Variants in RHOQ observed in about 807,000 individuals in gnomAD.
RHOQ encodes ras homolog family member Q, also known as rho-related GTP-binding protein RhoQ.
RHOQ carries 7 observed loss-of-function variants against 25.8 expected under a neutral mutation model. The observed-to-expected ratio is 0.27, with a 90% CI of 0.15 to 0.51. RHOQ has a LOEUF of 0.51. Among genes scored for constraint, RHOQ ranks in the 20% least tolerant of loss-of-function variants. RHOQ has a pLI of 0.97. For missense variants in RHOQ, 165 were observed against 260.6 expected (o/e 0.63, Z 2.53); for synonymous variants, 97 against 98.6 (o/e 0.98, Z 0.10).
chr2:46,562,824 C>T (rs1558687508), intron 2 of RHOQ, among the ~76,000 whole-genome samples: 1 of 152,178 alleles, frequency 6.6e-6, no homozygotes, highest in Admixed American at 6.5e-5. Flanking sequence ...AACCTACACA[C>T]TTATTTAAAC....
chr2:46,561,259 G>A (rs906294733), intron 2 of RHOQ, among the ~76,000 whole-genome samples: 2 of 151,688 alleles, frequency 1.3e-5, no homozygotes, highest in Non-Finnish European at 2.9e-5. Context: ...GGAAGAGTAC[G>A]GTGAGGGGAG....
chr2:46,550,279 G>C (rs543821292), intron 2 of RHOQ, among the ~76,000 whole-genome samples: 183 of 151,952 alleles, frequency 1.2e-3, no homozygotes, highest in Admixed American at 4.2e-3. Flanking sequence ...TTGACTGTCA[G>C]CTTGTTTCTG....
At chr2:46,558,636 C>T (rs1572742652) in intron 2 of RHOQ, among the ~76,000 whole-genome samples, 1 of 152,208 alleles carries the variant, frequency 6.6e-6, no homozygotes, top group Middle Eastern at 3.4e-3. Flanking sequence ...TGGCTGGGTA[C>T]CCACAATCTG....
chr2:46,543,228 GC>G (rs776279452), intron 1 of RHOQ, 40 bp downstream of exon 1: 1 of 1,608,374 alleles, frequency 6.2e-7, no homozygotes, highest in South Asian at 1.1e-5. Flanking sequence ...CGCTCCCCGG[GC>G]CGGGAACTTT....
At chr2:46,575,964 T>C in intron 2 of RHOQ, 123 bp from the exon 3 acceptor site, 1 of 660,506 alleles carries the variant, frequency 1.5e-6, no homozygotes, top group African/African-American at 1.9e-5. Flanking sequence ...TTACTTAGAG[T>C]GCCATACATT....
intron 2 of RHOQ, among the ~76,000 whole-genome samples, chr2:46,562,901 T>G (rs1668618377): frequency 6.6e-6 from 1 of 152,208 alleles, no homozygotes; most frequent in South Asian, 2.1e-4. Context: ...TTCTGCCTAT[T>G]TATTACTCTG....
At chr2:46,561,171 G>C (rs2104002639) in intron 2 of RHOQ, among the ~76,000 whole-genome samples, 1 of 151,854 alleles carries the variant, frequency 6.6e-6, no homozygotes, top group African/African-American at 2.4e-5. Context: ...ATATATATGT[G>C]TGTGTATATA....
chr2:46,564,528 C>T (rs1314435209), intron 2 of RHOQ, among the ~76,000 whole-genome samples: 1 of 152,182 alleles, frequency 6.6e-6, no homozygotes, highest in Non-Finnish European at 1.5e-5. Flanking sequence ...TGGCAGATTG[C>T]ACTGTATGCG....
rs200699252 is a variant in RHOQ at position 46,560,160 on chromosome 2, TCTG to T, written c.202-15923_202-15921del. ...CCATAGCTTCAGACCCTCAGGGAGG[TCTG>T]CTGTGCAGTCCGGTGTTTAACTGGC... is the stretch of plus-strand genomic sequence containing the variant. On this transcript the variant is annotated intron_variant, in intron 2 of 4. Transcript: ENST00000238738. Among the ~76,000 whole-genome samples, 1,328 of 152,216 alleles carry T rather than the reference TCTG, an allele frequency of 8.7e-3. 18 individuals carry two copies. The highest frequency in any genetic ancestry group is 0.031 in the African/African-American group (1,268 of 41,532).
At chr2:46,575,066 A>T (rs1669066206) in intron 2 of RHOQ, among the ~76,000 whole-genome samples, 2 of 152,224 alleles carry the variant, frequency 1.3e-5, no homozygotes, top group Non-Finnish European at 2.9e-5. Context: ...TAGTCTATGC[A>T]AAAAAGGATA....
In RHOQ at chr2:46,576,376, A is replaced by G. The variant is rs1669128459; in HGVS notation, c.366+125A>G. On this transcript the variant is annotated intron_variant, in intron 3 of 4. Coordinates refer to ENST00000238738, the MANE Select transcript of RHOQ (RefSeq NM_012249.4). This position sits in a 1 kb window ranked among gnomAD's most constrained non-coding sequence, Gnocchi z 5.1. ...AGTGTTTAATCTCAGCTGCAAGTTA[A>G]TGAGTTCTATCATATTTTTGGAAAA... The G allele has an allele frequency of 1.0e-6, 1 of 970,708 alleles. No homozygotes were observed. Among genetic ancestry groups the G allele is most frequent in the Non-Finnish European group, 1.5e-6 (1 of 650,530 alleles). 60.1% of individuals were successfully genotyped at this position (970,708 alleles called of 1,614,324 possible).
intron 2 of RHOQ, among the ~76,000 whole-genome samples, chr2:46,546,066 G>A (rs527408425): frequency 2.0e-5 from 3 of 152,208 alleles, no homozygotes; most frequent in South Asian, 2.1e-4. Context: ...TTGCATCAAA[G>A]CTAGTAATAT....
Position 46,581,029 on chromosome 2 carries a change from C to G in RHOQ, c.564C>G (p.His188Gln). 4 of 1,586,560 alleles carry G rather than the reference C, an allele frequency of 2.5e-6. No individual in the cohort carries two copies. The highest frequency in any genetic ancestry group is 1.4e-5 in the African/African-American group (1 of 73,426). ...AIIAILTPKKHTVKKRIGSRC... is the reference protein window; with the variant it reads ...AIIAILTPKKQTVKKRIGSRC... ...TAGCCATTTTAACTCCAAAGAAACA[C>G]ACTGTAAAAAAAAGAATAGGATCAA... Residue 188 changes from histidine to glutamine, a missense_variant, in exon 5 of 5, where the codon CAC (histidine) becomes CAG (glutamine). Physicochemically the swap from His to Gln is conservative, Grantham distance 24. Coordinates refer to ENST00000238738, the MANE Select transcript of RHOQ (RefSeq NM_012249.4).
rs13413254 is a variant in RHOQ at position 46,575,795 on chromosome 2, A to T, written c.202-292A>T. 0.4 allele frequency among the ~76,000 whole-genome samples: 60,192 copies of T among 152,070 alleles called. 12,306 individuals carry two copies. The highest frequency in any genetic ancestry group is 0.48 in the African/African-American group (19,901 of 41,458). On this transcript the variant is annotated intron_variant, in intron 2 of 4. Transcript: ENST00000238738. ...CTAGCTATATTCAATTCTTTGTGCA[A>T]ACTTTTTAGTTAAAAATGTTTTTAG...
In RHOQ at chr2:46,547,901, C is replaced by G. The variant is rs571909448; in HGVS notation, c.201+4089C>G. 1.6e-3 allele frequency among the ~76,000 whole-genome samples: 240 copies of G among 152,308 alleles called. 1 individual carries two copies. The highest frequency in any genetic ancestry group is 3.4e-3 in the Middle Eastern group (1 of 294). On this transcript the variant is annotated intron_variant, in intron 2 of 4. Transcript: ENST00000238738. Reference sequence around the variant, plus strand: ...GGGGAGCTGCCTGGCAAGCTGCTCTCTAGCTGTGGGCTCTAGGCTGATCTC... The same window carrying G: ...GGGGAGCTGCCTGGCAAGCTGCTCTGTAGCTGTGGGCTCTAGGCTGATCTC...
chr2:46,580,627 G>A (rs537548555), intron 4 of RHOQ: 9 of 211,728 alleles, frequency 4.3e-5, no homozygotes, highest in African/African-American at 1.6e-4. Context: ...ACATGTGGAC[G>A]CCACACAGCA....
At chr2:46,561,059 A>T (rs956668758) in intron 2 of RHOQ, among the ~76,000 whole-genome samples, 2 of 151,566 alleles carry the variant, frequency 1.3e-5, no homozygotes, top group African/African-American at 4.9e-5. Flanking sequence ...GTATATAGAC[A>T]TATATCTCTC....
intron 2 of RHOQ, among the ~76,000 whole-genome samples, chr2:46,544,632 T>C (rs1667989328): frequency 6.6e-6 from 1 of 152,238 alleles, no homozygotes; most frequent in Non-Finnish European, 1.5e-5. Context: ...CTTCAGCCTC[T>C]TCCCAAACCC....
In RHOQ at chr2:46,566,700, C is replaced by T. The variant is rs1668743480; in HGVS notation, c.202-9387C>T. ...GAGGGGTCCAAGCTGACTCCCTCTC[C>T]AGCCCCACCTGTCACCTGGCCTTTC... On this transcript the variant is annotated intron_variant, in intron 2 of 4. Transcript: ENST00000238738. This position sits in a 1 kb window ranked among gnomAD's most constrained non-coding sequence, Gnocchi z 4.2. Among the ~76,000 whole-genome samples the T allele has an allele frequency of 6.6e-6, 1 of 152,188 alleles. No homozygotes were observed. Among genetic ancestry groups the T allele is most frequent in the South Asian group, 2.1e-4 (1 of 4,834 alleles).
Sources: gnomAD v4.1 joint callset for allele counts (sites outside exome capture counted in the v4.1 genomes callset) on GRCh38, gnomAD v4.1.1 for gene constraint, Gnocchi (gnomAD v3.1) non-coding constraint, MANE v1.5 for transcripts, NCBI Gene and HGNC (gene_info 2026-07-23, HGNC 2026-07-21) for gene names.